Variants in EBF2 observed in about 807,000 individuals in gnomAD.
EBF2 encodes transcription factor COE2.
EBF2 carries 21 observed loss-of-function variants against 72.8 expected under a neutral mutation model. The observed-to-expected ratio is 0.29, with a 90% CI of 0.20 to 0.42. The LOEUF (loss-of-function observed/expected upper bound fraction) is 0.42. EBF2 is among the 10% of genes least tolerant of loss of function. The pLI, the probability that EBF2 is intolerant of heterozygous loss-of-function variation, is 1.00. For synonymous variants in EBF2, 299 were observed against 274.2 expected (o/e 1.09, Z -0.89); for missense variants, 637 against 731.2 (o/e 0.87, Z 1.49).
intron 6 of EBF2, among the ~76,000 whole-genome samples, chr8:26,029,181 G>A (rs1018097255): frequency 1.3e-5 from 2 of 152,170 alleles, no homozygotes; most frequent in African/African-American, 2.4e-5. Context: ...TAGTGAAAGC[G>A]ATTTTTCGTA....
chr8:26,021,788 G>A (rs1019873475), intron 6 of EBF2, among the ~76,000 whole-genome samples: 31 of 152,136 alleles, frequency 2.0e-4, no homozygotes, highest in African/African-American at 7.0e-4. Context: ...CAATGAGAGG[G>A]AAGAATTGAA....
At chr8:26,016,888 A>G (rs910070798) in intron 6 of EBF2, among the ~76,000 whole-genome samples, 2 of 152,240 alleles carry the variant, frequency 1.3e-5, no homozygotes, top group African/African-American at 4.8e-5. Context: ...ATGTGGGATC[A>G]CCATTCAGCA....
At chr8:25,949,969 A>C (rs1354426490) in intron 6 of EBF2, among the ~76,000 whole-genome samples, 1 of 152,234 alleles carries the variant, frequency 6.6e-6, no homozygotes, top group East Asian at 1.9e-4. Flanking sequence ...TCACCTTTAG[A>C]AATGAAAACT....
At chr8:25,923,024 A>G (rs1170990639) in intron 6 of EBF2, among the ~76,000 whole-genome samples, 1 of 151,916 alleles carries the variant, frequency 6.6e-6, no homozygotes, top group African/African-American at 2.4e-5. Context: ...TCAGCCCTTC[A>G]CTCAGAGGCC....
intron 6 of EBF2, among the ~76,000 whole-genome samples, chr8:25,951,221 G>C (rs955561606): frequency 6.6e-6 from 1 of 152,050 alleles, no homozygotes; most frequent in Non-Finnish European, 1.5e-5. Context: ...TATTATTTTT[G>C]CAAATTTAGT....
At chr8:26,030,911 A>G (rs1452540872) in intron 6 of EBF2, among the ~76,000 whole-genome samples, 1 of 152,248 alleles carries the variant, frequency 6.6e-6, no homozygotes, top group Non-Finnish European at 1.5e-5. Context: ...TTCTATAGAC[A>G]CAAAGATACT....
chr8:26,038,960 A>C (rs1167044016), intron 5 of EBF2, among the ~76,000 whole-genome samples: 8 of 152,254 alleles, frequency 5.3e-5, no homozygotes. Context: ...TGGAGTTAGG[A>C]GACATTGACT....
At chr8:25,913,302 G>C (rs924172379) in intron 6 of EBF2, among the ~76,000 whole-genome samples, 1 of 151,976 alleles carries the variant, frequency 6.6e-6, no homozygotes, top group East Asian at 1.9e-4. Context: ...TCAGCTGGGC[G>C]TGGTGGCATG....
chr8:26,024,365 T>C (rs1805263947), intron 6 of EBF2, among the ~76,000 whole-genome samples: 1 of 152,158 alleles, frequency 6.6e-6, no homozygotes, highest in Admixed American at 6.5e-5. Flanking sequence ...ACATCCTTTG[T>C]TTTTCCATAT....
At chr8:25,894,495 A>G (rs1032932055) in intron 7 of EBF2, among the ~76,000 whole-genome samples, 12 of 152,020 alleles carry the variant, frequency 7.9e-5, no homozygotes, top group African/African-American at 2.4e-4. Flanking sequence ...GACCCTTCCC[A>G]TCTGGAATCA....
At chr8:25,943,185 G>A (rs1803707373) in intron 6 of EBF2, among the ~76,000 whole-genome samples, 1 of 151,928 alleles carries the variant, frequency 6.6e-6, no homozygotes, top group South Asian at 2.1e-4. Context: ...TTTAAAACAA[G>A]GCCAGGCGGG....
intron 6 of EBF2, among the ~76,000 whole-genome samples, chr8:25,948,070 A>G (rs1585205030): frequency 6.6e-6 from 1 of 152,180 alleles, no homozygotes; most frequent in East Asian, 1.9e-4. Context: ...TAGGTGGCCA[A>G]GCATTCATTC....
intron 7 of EBF2, among the ~76,000 whole-genome samples, chr8:25,907,750 A>G (rs1803062184): frequency 6.6e-6 from 1 of 152,110 alleles, no homozygotes; most frequent in African/African-American, 2.4e-5. Context: ...TTTTCTATGG[A>G]AAAGGAGGTG....
chr8:25,986,021 A>AAAAAAAAAAAAAAAC (rs1563200316), intron 6 of EBF2, among the ~76,000 whole-genome samples: 1 of 149,186 alleles, frequency 6.7e-6, no homozygotes, highest in Non-Finnish European at 1.5e-5. Context: ...AAAAAAAAAA[A>AAAAAAAAAAAAAAAC]AAAAGTACAT....
chr8:25,852,515 C>T (rs576465187), intron 14 of EBF2, among the ~76,000 whole-genome samples: 21 of 152,242 alleles, frequency 1.4e-4, no homozygotes, highest in Admixed American at 7.8e-4. Flanking sequence ...CATTCACACA[C>T]ACTCCATTCC....
rs147167206 is a variant in EBF2 at position 25,921,048 on chromosome 8, C to G, written c.552-12493G>C. ...CCTCCATTTCAGCCATGAAGATCCA[C>G]ATTTACAGTACATATAACCTTTGTG... On this transcript the variant is annotated intron_variant, in intron 6 of 15. Transcript: ENST00000520164. Among the ~76,000 whole-genome samples, 288 of 149,784 alleles carry G rather than the reference C, an allele frequency of 1.9e-3. 2 individuals are homozygous for G. The highest frequency in any genetic ancestry group is 6.3e-3 in the Admixed American group (93 of 14,654).
chr8:25,891,757 C>A (rs550146257), intron 7 of EBF2, among the ~76,000 whole-genome samples: 14 of 151,924 alleles, frequency 9.2e-5, no homozygotes, highest in Admixed American at 2.6e-4. Context: ...TTTGTATTTT[C>A]AGTAGAGACA....
intron 6 of EBF2, among the ~76,000 whole-genome samples, chr8:26,013,027 G>A (rs1349441517): frequency 6.6e-6 from 1 of 152,154 alleles, no homozygotes; most frequent in African/African-American, 2.4e-5. Flanking sequence ...AAGTAAATGA[G>A]TCAAATATAT....
At chr8:25,871,398 G>A (rs1202906505) in intron 10 of EBF2, among the ~76,000 whole-genome samples, 1 of 152,178 alleles carries the variant, frequency 6.6e-6, no homozygotes, top group Admixed American at 6.5e-5. Flanking sequence ...ACAGAGAAGT[G>A]CTGGCAAGGC....
Sources: allele counts gnomAD v4.1 joint callset (sites outside exome capture counted in the v4.1 genomes callset), GRCh38; gene constraint gnomAD v4.1.1; transcripts MANE v1.5; gene names NCBI Gene and HGNC (gene_info 2026-07-23, HGNC 2026-07-21).